RHBDD1: variants seen among roughly 807,000 people sequenced by gnomAD.
RHBDD1 encodes the protein rhomboid-related protein 4.
RHBDD1 carries 38 observed loss-of-function variants against 36.3 expected under a neutral mutation model. That is an observed-to-expected ratio of 1.05 (90% CI 0.81 to 1.37). RHBDD1 has a LOEUF of 1.37. Ranked by LOEUF, RHBDD1 falls within the 40% of genes most tolerant of loss-of-function variation. RHBDD1 has a pLI of 0.00. For missense variants in RHBDD1, 393 were observed against 377.6 expected (o/e 1.04, Z -0.34); for synonymous variants, 151 against 136.5 (o/e 1.11, Z -0.74).
At chr2:226,871,780 C>G (rs932421971) in intron 5 of RHBDD1, among the ~76,000 whole-genome samples, 1 of 152,180 alleles carries the variant, frequency 6.6e-6, no homozygotes, top group Admixed American at 6.5e-5. Context: ...GGCGATAATA[C>G]TCCATAGGGA....
chr2:226,809,208 A>G, the RHBDD1 span, among the ~76,000 whole-genome samples: 68 of 152,362 alleles, frequency 4.5e-4, no homozygotes, highest in African/African-American at 1.6e-3. Context: ...AACAACCAGT[A>G]AAGTTGCTCT....
At chr2:226,839,133 T>G (rs1941335291) in intron 2 of RHBDD1, among the ~76,000 whole-genome samples, 1 of 152,194 alleles carries the variant, frequency 6.6e-6, no homozygotes, top group Admixed American at 6.5e-5. Flanking sequence ...CTTACATGTA[T>G]TTCTGTGTGT....
At chr2:226,904,267 C>T (rs866004578) in intron 5 of RHBDD1, among the ~76,000 whole-genome samples, 1 of 152,152 alleles carries the variant, frequency 6.6e-6, no homozygotes, top group Admixed American at 6.5e-5. Flanking sequence ...AGATACACAC[C>T]CCTGGACGTT....
Position 226,996,242 on chromosome 2 carries a change from C to A in RHBDD1, c.*720C>A. ...CCTTCCCAGTGGCAGCTTGTGTGTCCAGGAGATAGGACATCATTTAACGCA... is the reference window on the plus strand; with the variant it reads ...CCTTCCCAGTGGCAGCTTGTGTGTCAAGGAGATAGGACATCATTTAACGCA... On this transcript the variant is annotated 3_prime_UTR_variant, in exon 9 of 9. Transcript: ENST00000392062. 1 of 152,480 alleles carries A rather than the reference C, an allele frequency of 6.6e-6. No individual in the cohort carries two copies. Among genetic ancestry groups the A allele is most frequent in the Non-Finnish European group, 1.5e-5 (1 of 68,190 alleles). 9.4% of individuals were successfully genotyped at this position (152,480 alleles called of 1,614,324 possible). A position where few individuals can be genotyped will look rare whatever the true frequency, so the allele number is the denominator to read the frequency against.
chr2:226,910,617 T>C (rs1948452733), intron 7 of RHBDD1, among the ~76,000 whole-genome samples: 1 of 151,948 alleles, frequency 6.6e-6, no homozygotes, highest in African/African-American at 2.4e-5. Context: ...GAGTAGTTAA[T>C]AGAATAATGA....
intron 8 of RHBDD1, chr2:226,988,762 C>A: frequency 1.1e-6 from 1 of 898,186 alleles, no homozygotes; most frequent in Non-Finnish European, 1.3e-6. Flanking sequence ...GAGAATTATT[C>A]CTGTAAGAAG....
the RHBDD1 span, among the ~76,000 whole-genome samples, chr2:226,811,737 A>G: frequency 6.6e-6 from 1 of 152,240 alleles, no homozygotes; most frequent in Admixed American, 6.5e-5. Flanking sequence ...AAATTTCTCC[A>G]CTGAATTCTA....
chr2:226,914,390 C>A, intron 8 of RHBDD1, 39 bp downstream of exon 8: 1 of 1,591,844 alleles, frequency 6.3e-7, no homozygotes, highest in Non-Finnish European at 8.6e-7. Context: ...TAAAGCATAC[C>A]TCATGTGGTA....
Position 226,930,829 on chromosome 2 carries a change from A to G in RHBDD1, c.856+16478A>G, listed in dbSNP as rs1204723241. ...ACCTGTCAAAAACTGGGCAAATGAC[A>G]TGAATAGACATTCCTCAAAATAATA... On this transcript the variant is annotated intron_variant, in intron 8 of 8. Coordinates refer to ENST00000392062, the MANE Select transcript of RHBDD1 (RefSeq NM_001167608.3). Among the ~76,000 whole-genome samples, 9 of 152,132 alleles carry G rather than the reference A, an allele frequency of 5.9e-5. No individual in the cohort carries two copies. The South Asian group carries it at 1.4e-3, about 24-fold the overall frequency.
intron 7 of RHBDD1, among the ~76,000 whole-genome samples, chr2:226,910,236 G>A (rs959851223): frequency 1.1e-4 from 17 of 152,086 alleles, no homozygotes; most frequent in Admixed American, 1.0e-3. Flanking sequence ...CTTCTTATGT[G>A]GAAGAAGCAC....
intron 5 of RHBDD1, among the ~76,000 whole-genome samples, chr2:226,881,646 T>A (rs768930650): frequency 1.2e-4 from 18 of 152,240 alleles, no homozygotes; most frequent in Non-Finnish European, 2.1e-4. Flanking sequence ...TGTGTCTTTA[T>A]ACACACTGTC....
At chr2:226,848,637 A>C (rs1473378296) in intron 3 of RHBDD1, among the ~76,000 whole-genome samples, 1 of 152,224 alleles carries the variant, frequency 6.6e-6, no homozygotes, top group Non-Finnish European at 1.5e-5. Flanking sequence ...TCAGCTTACC[A>C]GAAGCCACTA....
intron 8 of RHBDD1, among the ~76,000 whole-genome samples, chr2:226,916,996 T>C (rs1647747584): frequency 6.6e-6 from 1 of 152,122 alleles, no homozygotes; most frequent in African/African-American, 2.4e-5. Flanking sequence ...TTGGAGCAAT[T>C]TTATAGACTT....
chr2:226,925,567 C>T (rs537865960), intron 8 of RHBDD1, among the ~76,000 whole-genome samples: 2 of 151,972 alleles, frequency 1.3e-5, no homozygotes, highest in South Asian at 4.2e-4. Flanking sequence ...AAAATGAAAA[C>T]GGCCTTTGAC....
chr2:226,984,359 C>T (rs1046546961), intron 8 of RHBDD1, among the ~76,000 whole-genome samples: 2 of 152,208 alleles, frequency 1.3e-5, no homozygotes, highest in African/African-American at 2.4e-5. Context: ...GTCCCTCTTC[C>T]TGGATTATAG....
At chr2:226,875,274 T>A (rs1179177220) in intron 5 of RHBDD1, among the ~76,000 whole-genome samples, 1 of 152,228 alleles carries the variant, frequency 6.6e-6, no homozygotes, top group Non-Finnish European at 1.5e-5. Flanking sequence ...GATTGCTTTA[T>A]GAACTGTCTC....
intron 5 of RHBDD1, among the ~76,000 whole-genome samples, chr2:226,896,540 G>T (rs61067328): frequency 1.3e-5 from 2 of 151,880 alleles, no homozygotes; most frequent in African/African-American, 4.8e-5. Context: ...ATCTTTTACC[G>T]GGACTACATT....
intron 8 of RHBDD1, among the ~76,000 whole-genome samples, chr2:226,934,703 C>T (rs1437643121): frequency 5.9e-5 from 9 of 151,932 alleles, no homozygotes; most frequent in Admixed American, 5.9e-4. Context: ...TAAATGAATC[C>T]AAGAGGCAGC....
chr2:226,892,283 G>T (rs373251525), intron 5 of RHBDD1, among the ~76,000 whole-genome samples: 13 of 152,108 alleles, frequency 8.5e-5, no homozygotes, highest in African/African-American at 2.7e-4. Context: ...GTAGTAGATG[G>T]GGCATGTCTG....
Sources: allele counts gnomAD v4.1 joint callset (sites outside exome capture counted in the v4.1 genomes callset), GRCh38; gene constraint gnomAD v4.1.1; transcripts MANE v1.5; gene names NCBI Gene and HGNC (gene_info 2026-07-23, HGNC 2026-07-21).